The following PKP3 variants were observed in gnomAD, a reference collection of about 807,000 sequenced individuals.
PKP3 encodes the protein plakophilin 3.
PKP3 carries 66 observed loss-of-function variants against 76.5 expected under a neutral mutation model. That is an observed-to-expected ratio of 0.86 (90% confidence interval 0.71 to 1.06). PKP3 has a LOEUF of 1.06. Among genes scored for constraint, PKP3 ranks in the 50% least tolerant of loss-of-function variants. The probability of loss-of-function intolerance (pLI) is 0.00; values close to 1 mark genes in which losing one functional copy is unlikely to be tolerated. For missense variants in PKP3, 1,338 were observed against 1,141.0 expected (o/e 1.17, Z -2.49); for synonymous variants, 638 against 516.5 (o/e 1.24, Z -3.19).
rs1238036897 is a variant in PKP3, at chr11:397,464, C to T, written c.944+19C>T. On this transcript the variant is annotated intron_variant, in intron 3 of 12. Coordinates refer to ENST00000331563, the MANE Select transcript of PKP3 (RefSeq NM_007183.4). ...GCAGCGGGTGAGCGGCTGGGCCCGGCTCAGGGAGGGGGCTTCTACCACGGG... is the reference window on the plus strand; with the variant it reads ...GCAGCGGGTGAGCGGCTGGGCCCGGTTCAGGGAGGGGGCTTCTACCACGGG... The T allele has an allele frequency of 6.2e-6, 10 of 1,611,858 alleles. No homozygotes were observed. In the Admixed American group the frequency reaches 6.7e-5, roughly 11 times the overall value.
chr11:400,478 C>T, intron 7 of PKP3, 27 bp downstream of exon 7: 1 of 1,520,356 alleles, frequency 6.6e-7, no homozygotes, highest in South Asian at 1.2e-5. Context: ...GGAGGAGGGG[C>T]CGTGCCCCCG....
Position 404,303 on chromosome 11 carries a change from C to G in PKP3, c.2338C>G (p.Leu780Val), listed in dbSNP as rs779232725. 1.9e-6 allele frequency: 3 copies of G among 1,612,532 alleles called. No individual in the cohort carries two copies. The South Asian group carries it at 3.3e-5, about 18-fold the overall frequency. The change falls in exon 12 of 13, where the codon CTC (leucine) becomes GTC (valine). Residue 780 changes from leucine to valine, a missense_variant. By Grantham distance (32) the Leu-to-Val change is conservative. Coordinates refer to ENST00000331563, the MANE Select transcript of PKP3 (RefSeq NM_007183.4). The surrounding 1 kb of genome is among the most constrained non-coding windows in gnomAD (Gnocchi z 4.2). ...LLANLWQYNK[L>V]HRDFRAKGYR... ...GGCCAACCTGTGGCAGTACAACAAG[C>G]TCCACCGTGACTTCCGGGCGGTACG...
At chr11:403,492 G>A (rs942805592) in intron 9 of PKP3, 126 bp from the exon 10 acceptor site, 1 of 987,684 alleles carries the variant, frequency 1.0e-6, no homozygotes, top group Non-Finnish European at 1.5e-6. Flanking sequence ...CCGGCTGGGG[G>A]GCAAAGGCAG....
intron 6 of PKP3, 78 bp from the exon 7 acceptor site, chr11:400,256 T>C: frequency 1.4e-6 from 2 of 1,420,708 alleles, no homozygotes; most frequent in Non-Finnish European, 1.9e-6. Flanking sequence ...GGGATGGGCG[T>C]GCGAGGGCCC....
intron 5 of PKP3, 80 bp from the exon 6 acceptor site, chr11:399,887 C>T (rs935644826): frequency 5.9e-6 from 7 of 1,187,770 alleles, no homozygotes; most frequent in East Asian, 2.6e-5. Context: ...TGGGGAGAGG[C>T]GGGACCTCTT....
intron 7 of PKP3, 30 bp from the exon 8 acceptor site, chr11:400,490 GCCGCCGCTCTGACCC>G: frequency 6.6e-7 from 1 of 1,511,918 alleles, no homozygotes. Context: ...GTGCCCCCGG[GCCGCCGCTCTGACCC>G]GCGCCCCTGC....
At chr11:395,350 G>A (rs1183587049) in intron 1 of PKP3, among the ~76,000 whole-genome samples, 1 of 152,210 alleles carries the variant, frequency 6.6e-6, no homozygotes, top group Non-Finnish European at 1.5e-5. Context: ...GCCTTCCCCA[G>A]GACTGGCCTC....
rs773630706 is a variant in PKP3 at position 397,667 on chromosome 11, C to T, written c.1068+5C>T. ...GATGCAGCCGCCAAGAAGCAGGTGACCACCCCGACCACCCACTCGCTGCCC... is the reference window on the plus strand; with the variant it reads ...GATGCAGCCGCCAAGAAGCAGGTGATCACCCCGACCACCCACTCGCTGCCC... On this transcript the variant is annotated splice_donor_5th_base_variant and intron_variant, in intron 4 of 12. Coordinates refer to ENST00000331563, the MANE Select transcript of PKP3 (RefSeq NM_007183.4). The T allele has an allele frequency of 1.2e-6, 2 of 1,608,566 alleles. No individual in the cohort carries two copies. Among genetic ancestry groups the T allele is most frequent in the South Asian group, 1.1e-5 (1 of 90,762 alleles).
rs1484981989 is a variant in PKP3, at chr11:403,063, C to T, written c.1738-15C>T. The T allele has an allele frequency of 3.4e-5, 50 of 1,450,480 alleles. 1 individual carries two copies. In the East Asian group the frequency reaches 1.2e-3, roughly 34 times the overall value. 89.9% of individuals were successfully genotyped at this position (1,450,480 alleles called of 1,614,324 possible). ...GCTCACCCCGACCCCGCCGACTCCT[C>T]CCCGCCCTGCGCAGCTGCCCCTCGC... On this transcript the variant is annotated splice_polypyrimidine_tract_variant and intron_variant, in intron 8 of 12. Coordinates refer to ENST00000331563, the MANE Select transcript of PKP3 (RefSeq NM_007183.4).
In PKP3 at chr11:400,621, G is replaced by A. The variant is rs752768385; in HGVS notation, c.1653G>A (p.Glu551=). Residue 551 remains glutamate, a synonymous_variant, in exon 8 of 13, where the codon GAG becomes GAA. Transcript: ENST00000331563. The part of the protein sequence containing the change: ...EMPPSALQRL[E]GRGRRDLAGA... ...CGCCGTCCGCGCTGCAGCGGCTGGA[G>A]GGTCGCGGCCGCAGGGACCTGGCGG... The A allele has an allele frequency of 1.2e-5, 17 of 1,427,254 alleles. No homozygotes were observed. Among genetic ancestry groups the A allele is most frequent in the Non-Finnish European group, 1.5e-5 (17 of 1,099,666 alleles). The allele number at this position is 1,427,254 out of a possible 1,614,324, so 88.4% of individuals were successfully genotyped here.
chr11:393,677 C>G (rs1436880330), upstream of PKP3: 1 of 152,476 alleles, frequency 6.6e-6, no homozygotes, highest in Non-Finnish European at 1.5e-5. Flanking sequence ...GTCCCTCCAG[C>G]CTTTGTCCTG....
chr11:398,824 G>A (rs1051888801), intron 4 of PKP3, among the ~76,000 whole-genome samples, 168 bp from the exon 5 acceptor site: 41 of 143,396 alleles, frequency 2.9e-4, no homozygotes, highest in African/African-American at 1.1e-3. Context: ...CCGTACCCCC[G>A]CACACACCTC....
chr11:397,388 A>G lies in PKP3; in HGVS notation c.887A>G (p.Asp296Gly), dbSNP rs758761895. ...CTGGCTGACTCGGGCCACCTGCCGGACGTGCATGGGTTCAACAGCTACGGT... is the reference window on the plus strand; with the variant it reads ...CTGGCTGACTCGGGCCACCTGCCGGGCGTGCATGGGTTCAACAGCTACGGT... ...LSLADSGHLP[D>G]VHGFNSYGSH... The change falls in exon 3 of 13, where the codon GAC becomes GGC. Residue 296 changes from aspartate to glycine, a missense_variant. By Grantham distance (94) the Asp-to-Gly change is moderately conservative. Transcript: ENST00000331563. 96 of 1,610,768 alleles carry G rather than the reference A, an allele frequency of 6.0e-5. No individual in the cohort carries two copies. The highest frequency in any genetic ancestry group is 1.6e-4 in the Middle Eastern group (1 of 6,074).
At chr11:393,242 C>A (rs1057395315), upstream of PKP3, among the ~76,000 whole-genome samples, 1 of 151,734 alleles carries the variant, frequency 6.6e-6, no homozygotes, top group Admixed American at 6.6e-5. Flanking sequence ...CCCCCACTAC[C>A]CCACCCCCAC....
In PKP3 at chr11:403,101, C is replaced by T. The variant is rs1333962479; in HGVS notation, c.1761C>T (p.Leu587=). The T allele has an allele frequency of 1.3e-6, 2 of 1,530,412 alleles. No individual in the cohort carries two copies. The highest frequency in any genetic ancestry group is 2.4e-5 in the South Asian group (2 of 83,314). The allele number at this position is 1,530,412 out of a possible 1,614,324, so 94.8% of individuals were successfully genotyped here. ...LRELPLAADA[L]TFAEVSKDPK... ...AGCTGCCCCTCGCCGCCGATGCGCT[C>T]ACCTTCGCGGAGGTGTCCAAGGACC... Residue 587 remains leucine (L), a synonymous_variant, in exon 9 of 13, where the codon CTC becomes CTT. Coordinates refer to ENST00000331563, the MANE Select transcript of PKP3 (RefSeq NM_007183.4).
At position 396,827 on chromosome 11, in the gene PKP3, T is replaced by C. The variant is rs1053164480; in HGVS notation, c.326T>C (p.Ile109Thr). The C allele has an allele frequency of 2.5e-6, 4 of 1,590,250 alleles. No individual in the cohort carries two copies. The African/African-American group carries it at 5.4e-5, about 21-fold the overall frequency. The change falls in exon 3 of 13, where the codon ATC becomes ACC. Residue 109 changes from isoleucine to threonine, a missense_variant. Ile to Thr is a moderately conservative substitution (Grantham distance 89). Coordinates refer to ENST00000331563, the MANE Select transcript of PKP3 (RefSeq NM_007183.4). ...CTCGACCCACAGGGCTTCCGGCCCATCGCCAAGCCGGCCTACAGCCCAGCC... is the reference window on the plus strand; with the variant it reads ...CTCGACCCACAGGGCTTCCGGCCCACCGCCAAGCCGGCCTACAGCCCAGCC... ...SGDKTSGFRP[I>T]AKPAYSPASW...
In PKP3 at chr11:399,975, T is replaced by G. The variant is rs1564880576; in HGVS notation, c.1282T>G (p.Trp428Gly). 1 of 1,601,382 alleles carries G rather than the reference T, an allele frequency of 6.2e-7. No homozygotes were observed. Among genetic ancestry groups the G allele is most frequent in the Non-Finnish European group, 8.5e-7 (1 of 1,175,610 alleles). The change falls in exon 6 of 13, where the codon TGG becomes GGG. Residue 428 changes from tryptophan to glycine, a missense_variant. Transcript: ENST00000331563. ...ELRKNVTGIL[W>G]NLSSSDHLKD... ...CCTCCCCCGTCCTCCAGGGATCCTG[T>G]GGAACCTTTCATCCAGCGACCACCT... is the stretch of plus-strand genomic sequence containing the variant.
Position 404,445 on chromosome 11 carries a change from G to C in PKP3, c.2359-89G>C. On this transcript the variant is annotated intron_variant, in intron 12 of 12. Coordinates refer to ENST00000331563, the MANE Select transcript of PKP3 (RefSeq NM_007183.4). The surrounding 1 kb of genome is among the most constrained non-coding windows in gnomAD (Gnocchi z 4.2). ...AGGGACCCAGAGAGGAAGGGTCCGG[G>C]CCACACCCAGCACACTGCAGGAGGG... 6.6e-7 allele frequency: 1 copy of C among 1,512,946 alleles called. No individual in the cohort carries two copies. The highest frequency in any genetic ancestry group is 9.2e-7 in the Non-Finnish European group (1 of 1,089,254). The allele number at this position is 1,512,946 out of a possible 1,614,324, so 93.7% of individuals were successfully genotyped here. A position where few individuals can be genotyped will look rare whatever the true frequency, so the allele number is the denominator to read the frequency against.
At chr11:403,813 A>G (rs770694435) in intron 10 of PKP3, 42 bp downstream of exon 10, 4 of 1,598,752 alleles carry the variant, frequency 2.5e-6, no homozygotes, top group Non-Finnish European at 2.6e-6. Flanking sequence ...CTGGACCCAC[A>G]TGTCAATTTT....
Sources: gnomAD v4.1 joint callset for allele counts (sites outside exome capture counted in the v4.1 genomes callset) on GRCh38, gnomAD v4.1.1 for gene constraint, Gnocchi (gnomAD v3.1) non-coding constraint, MANE v1.5 for transcripts, NCBI Gene and HGNC (gene_info 2026-07-23, HGNC 2026-07-21) for gene names.